The following SLCO5A1 variants were observed in gnomAD, a reference collection of about 807,000 sequenced individuals.
SLCO5A1 encodes organic anion transporter polypeptide-related protein 4.
Under a neutral mutation model 65.1 loss-of-function variants are expected in SLCO5A1, and 39 were observed. The observed-to-expected ratio is 0.60, with a 90% CI of 0.46 to 0.78. SLCO5A1 has a LOEUF of 0.78. Among genes scored for constraint, SLCO5A1 ranks in the 30% least tolerant of loss-of-function variants. SLCO5A1 has a pLI of 0.00. For synonymous variants in SLCO5A1, 438 were observed against 415.7 expected (o/e 1.05, Z -0.65); for missense variants, 1,029 against 1,069.4 (o/e 0.96, Z 0.53).
At chr8:69,772,620 A>AAGGG (rs1818375058) in intron 2 of SLCO5A1, among the ~76,000 whole-genome samples, 1 of 149,280 alleles carries the variant, frequency 6.7e-6, no homozygotes, top group African/African-American at 2.5e-5. Flanking sequence ...AAAGGAAAGG[A>AAGGG]AAGGAAAGGA....
chr8:69,680,094 C>T (rs917510031), intron 7 of SLCO5A1, among the ~76,000 whole-genome samples: 11 of 152,192 alleles, frequency 7.2e-5, no homozygotes, highest in African/African-American at 2.7e-4. Flanking sequence ...GACTTTAGCG[C>T]CAATAATAGT....
Position 69,798,401 on chromosome 8 carries a change from G to T in SLCO5A1, c.907+33366C>A, listed in dbSNP as rs747350858. On this transcript the variant is annotated intron_variant, in intron 2 of 9. Transcript: ENST00000260126. ...TACAGCCTGTAGAGGAAGTATGAAG[G>T]CTTCTGTTTGGCTGCTGATGAGGCC... is the stretch of plus-strand genomic sequence containing the variant. Among the ~76,000 whole-genome samples, 203 of 152,290 alleles carry T rather than the reference G, an allele frequency of 1.3e-3. 2 individuals carry two copies. The highest frequency in any genetic ancestry group is 6.8e-4 in the Non-Finnish European group (46 of 68,026).
chr8:69,797,523 G>A (rs1196337675), intron 2 of SLCO5A1, among the ~76,000 whole-genome samples: 1 of 152,202 alleles, frequency 6.6e-6, no homozygotes, highest in African/African-American at 2.4e-5. Flanking sequence ...TCTTTCAAAA[G>A]CAAATGGGAG....
intron 2 of SLCO5A1, among the ~76,000 whole-genome samples, chr8:69,797,033 A>G (rs1362144068): frequency 6.6e-6 from 1 of 152,222 alleles, no homozygotes; most frequent in East Asian, 1.9e-4. Context: ...AGGAAGTTCC[A>G]AACTTTCCTT....
chr8:69,736,350 G>T (rs1586741575), intron 5 of SLCO5A1, among the ~76,000 whole-genome samples: 1 of 152,190 alleles, frequency 6.6e-6, no homozygotes, highest in South Asian at 2.1e-4. Flanking sequence ...TCTAGCCTTG[G>T]CCTCTACCAG....
At chr8:69,736,238 C>T (rs551337924) in intron 5 of SLCO5A1, among the ~76,000 whole-genome samples, 1 of 152,250 alleles carries the variant, frequency 6.6e-6, no homozygotes, top group Non-Finnish European at 1.5e-5. Flanking sequence ...AACCACACTG[C>T]TGTGGAAGTC....
At chr8:69,755,694 G>T in intron 3 of SLCO5A1, 53 bp from the exon 4 acceptor site, 1 of 1,475,210 alleles carries the variant, frequency 6.8e-7, no homozygotes, top group South Asian at 1.3e-5. Flanking sequence ...TTGTGAGTGA[G>T]AACAAATTAG....
rs1364760247 is a variant in SLCO5A1, at chr8:69,799,973, T to A, written c.907+31794A>T. On this transcript the variant is annotated intron_variant, in intron 2 of 9. Transcript: ENST00000260126. ...TTCATTTTTTATTTTTCAAATTAGA[T>A]AATAATTTCCTGAAAATATTTTTCA... Among the ~76,000 whole-genome samples the A allele has an allele frequency of 3.3e-5, 5 of 152,342 alleles. No individual in the cohort carries two copies. In the South Asian group the frequency reaches 1.0e-3, roughly 32 times the overall value.
chr8:69,827,788 T>A (rs542000999), intron 2 of SLCO5A1, among the ~76,000 whole-genome samples: 20 of 152,372 alleles, frequency 1.3e-4, no homozygotes, highest in African/African-American at 4.6e-4. Flanking sequence ...GCTCATGTTC[T>A]AAGGATATAA....
chr8:69,722,776 G>GGTGTGTGT (rs56353428), intron 5 of SLCO5A1, among the ~76,000 whole-genome samples: 5,938 of 148,084 alleles, frequency 0.04, 277 homozygotes, highest in African/African-American at 0.11. Flanking sequence ...ACACATGCAT[G>GGTGTGTGT]GTGTGTGTGT....
At chr8:69,708,250 A>T (rs1301867433) in intron 5 of SLCO5A1, among the ~76,000 whole-genome samples, 1 of 152,236 alleles carries the variant, frequency 6.6e-6, no homozygotes, top group Non-Finnish European at 1.5e-5. Context: ...TTTTGTAGCC[A>T]TGTAATCATG....
chr8:69,712,969 A>G (rs1206124000), intron 5 of SLCO5A1, among the ~76,000 whole-genome samples: 1 of 152,222 alleles, frequency 6.6e-6, no homozygotes. Flanking sequence ...AAATTGCTAA[A>G]ATCAGTTTAA....
intron 2 of SLCO5A1, among the ~76,000 whole-genome samples, chr8:69,793,518 CTT>C (rs1230044915): frequency 6.6e-6 from 1 of 151,974 alleles, no homozygotes; most frequent in Non-Finnish European, 1.5e-5. Context: ...TATCTCAACA[CTT>C]TGGAAGGTTG....
intron 6 of SLCO5A1, among the ~76,000 whole-genome samples, chr8:69,700,779 G>A (rs186493776): frequency 1.3e-4 from 19 of 151,854 alleles, no homozygotes; most frequent in African/African-American, 3.6e-4. Context: ...CAAAATTTCA[G>A]CCACCTTGGC....
At position 69,832,865 on chromosome 8, in the gene SLCO5A1, G is replaced by A; in HGVS notation, c.-192C>T. 1 of 647,086 alleles carries A rather than the reference G, an allele frequency of 1.5e-6. No individual in the cohort carries two copies. Among genetic ancestry groups the A allele is most frequent in the South Asian group, 2.0e-5 (1 of 50,962 alleles). 40.1% of individuals were successfully genotyped at this position (647,086 alleles called of 1,614,324 possible). On this transcript the variant is annotated 5_prime_UTR_variant, in exon 2 of 10. Transcript: ENST00000260126. The surrounding 1 kb of genome is among the most constrained non-coding windows in gnomAD (Gnocchi z 4.5). ...CCAGTGCATCCTGATCACAGACACGGCTTCAAGGCTCCGCAGCCGCGTGCC... is the reference window on the plus strand; with the variant it reads ...CCAGTGCATCCTGATCACAGACACGACTTCAAGGCTCCGCAGCCGCGTGCC...
chr8:69,811,712 G>A (rs937319648), intron 2 of SLCO5A1, among the ~76,000 whole-genome samples: 9 of 152,182 alleles, frequency 5.9e-5, no homozygotes, highest in African/African-American at 2.2e-4. Context: ...CTTCCTGAAC[G>A]GAATTAAATT....
chr8:69,711,119 T>C (rs1815226815), intron 5 of SLCO5A1, among the ~76,000 whole-genome samples: 1 of 151,978 alleles, frequency 6.6e-6, no homozygotes, highest in Non-Finnish European at 1.5e-5. Context: ...CCACGCGCCA[T>C]CCAGGCCTCC....
At chr8:69,684,112 A>G (rs893232849) in intron 6 of SLCO5A1, among the ~76,000 whole-genome samples, 3 of 150,740 alleles carry the variant, frequency 2.0e-5, no homozygotes, top group Non-Finnish European at 4.4e-5. Context: ...ATAGAAAAAA[A>G]GTATGACAAG....
rs1380481129 is a variant in SLCO5A1, at chr8:69,669,106, A to G, written c.*3763T>C. Reference sequence around the variant, plus strand: ...GCCGAGACCCGATGTTAACACGAAGACTAGATTTGTTCTGTATTAAATATG... The same window carrying G: ...GCCGAGACCCGATGTTAACACGAAGGCTAGATTTGTTCTGTATTAAATATG... On this transcript the variant is annotated 3_prime_UTR_variant, in exon 10 of 10. Transcript: ENST00000260126. 1 of 152,202 alleles carries G rather than the reference A, an allele frequency of 6.6e-6. No homozygotes were observed. Among genetic ancestry groups the G allele is most frequent in the Non-Finnish European group, 1.5e-5 (1 of 68,040 alleles). The allele number at this position is 152,202 out of a possible 1,614,324, so 9.4% of individuals were successfully genotyped here. A position where few individuals can be genotyped will look rare whatever the true frequency, so the allele number is the denominator to read the frequency against.
Sources: gnomAD v4.1 joint callset for allele counts (sites outside exome capture counted in the v4.1 genomes callset) on GRCh38, gnomAD v4.1.1 for gene constraint, Gnocchi (gnomAD v3.1) non-coding constraint, MANE v1.5 for transcripts, NCBI Gene and HGNC (gene_info 2026-07-23, HGNC 2026-07-21) for gene names.